The following ATP2B3 variants were observed in gnomAD, a reference collection of about 807,000 sequenced individuals.
The protein encoded by ATP2B3 is ATPase plasma membrane Ca2+ transporting 3, also known as plasma membrane calcium-transporting ATPase 3.
ATP2B3 carries 12 observed loss-of-function variants against 70.8 expected under a neutral mutation model. That is an observed-to-expected ratio of 0.17 (90% CI 0.11 to 0.27). The LOEUF (loss-of-function observed/expected upper bound fraction) is 0.27. ATP2B3 is among the 10% of genes least tolerant of loss of function. The pLI, the probability that ATP2B3 is intolerant of heterozygous loss-of-function variation, is 1.00. For missense variants in ATP2B3, 858 were observed against 1,118.5 expected (o/e 0.77, Z 3.32); for synonymous variants, 460 against 497.8 (o/e 0.92, Z 1.01).
intron 13 of ATP2B3, 97 bp from the exon 14 acceptor site, chrX:153,555,952 T>C: frequency 9.6e-7 from 1 of 1,040,097 alleles, no homozygotes. Flanking sequence ...CTGCTGGACC[T>C]TGGGCCACCT....
intron 2 of ATP2B3, among the ~76,000 whole-genome samples, chrX:153,532,466 G>A (rs1182721806): frequency 1.8e-5 from 2 of 111,951 alleles, no homozygotes; most frequent in Non-Finnish European, 3.8e-5. Context: ...GAGCCTAGTT[G>A]GGAGGTGAGG....
intron 3 of ATP2B3, among the ~76,000 whole-genome samples, chrX:153,537,764 A>G (rs782496586): frequency 8.9e-6 from 1 of 112,174 alleles, no homozygotes; most frequent in Non-Finnish European, 1.9e-5. Context: ...ATTTATCCAC[A>G]AGAGCTCTGG....
rs370982310 is a variant in ATP2B3 at position 153,560,681 on chromosome X, C to T, written c.2845C>T (p.Leu949Phe). 60 of 1,210,158 alleles carry T rather than the reference C, an allele frequency of 5.0e-5. No individual in the cohort carries two copies. The highest frequency in any genetic ancestry group is 6.6e-5 in the Non-Finnish European group (59 of 895,121). The change falls in exon 19 of 22, where the codon CTC (leucine) becomes TTC (phenylalanine). Residue 949 changes from leucine to phenylalanine, a missense_variant. Leu to Phe is a conservative substitution (Grantham distance 22). Coordinates refer to ENST00000263519, the MANE Select transcript of ATP2B3 (RefSeq NM_001001344.3). ...IIFTLLFVGE[L>F]FFDIDSGRNA... ...TGGGGAATGTTGCTTTCCAGGGGAG[C>T]TCTTCTTCGACATCGACAGCGGGAG...
intron 21 of ATP2B3, among the ~76,000 whole-genome samples, chrX:153,576,209 G>A (rs1042787265): frequency 1.8e-5 from 2 of 111,207 alleles, no homozygotes; most frequent in African/African-American, 6.6e-5. Flanking sequence ...AGAGAGCTCG[G>A]AAACTCCACC....
Position 153,548,761 on chromosome X carries a change from G to A in ATP2B3, c.1245G>A (p.Val415=). Residue 415 remains valine, a synonymous_variant, in exon 10 of 22, where the codon GTG becomes GTA. Coordinates refer to ENST00000263519, the MANE Select transcript of ATP2B3 (RefSeq NM_001001344.3). The stretch of plus-strand genomic sequence containing the variant: ...CGCCGGTCTATGTACAATACTTCGT[G>A]AAGTTCTTCATCATTGGTGTCACTG... ...ECTPVYVQYF[V]KFFIIGVTVL... 1.7e-6 allele frequency: 2 copies of A among 1,211,920 alleles called. No individual in the cohort carries two copies. Among genetic ancestry groups the A allele is most frequent in the Non-Finnish European group, 1.1e-6 (1 of 895,566 alleles).
intron 21 of ATP2B3, among the ~76,000 whole-genome samples, chrX:153,571,073 A>G (rs1464126797): frequency 9.2e-6 from 1 of 108,398 alleles, no homozygotes; most frequent in African/African-American, 3.4e-5. Context: ...GTACACCTCC[A>G]GCTTGCTCCA....
intron 21 of ATP2B3, among the ~76,000 whole-genome samples, chrX:153,565,908 C>G (rs1347241745): frequency 2.7e-5 from 3 of 112,722 alleles, no homozygotes; most frequent in Non-Finnish European, 5.6e-5. Flanking sequence ...GTCCCTGCAT[C>G]GTTCCTGCCT....
At position 153,578,189 on chromosome X, in the gene ATP2B3, GC is replaced by G. The variant is rs201203149; in HGVS notation, c.3343-1785del. Among the ~76,000 whole-genome samples the G allele has an allele frequency of 7.5e-3, 842 of 112,611 alleles. 5 individuals are homozygous for G. The highest frequency in any genetic ancestry group is 0.026 in the African/African-American group (797 of 31,022). The stretch of plus-strand genomic sequence containing the variant: ...CAAAACTAGCAGAGAGCTGGGGTTA[GC>G]CCCTCAGCAAGCCCTGACACCTTGT... On this transcript the variant is annotated intron_variant, in intron 21 of 21. Transcript: ENST00000263519.
In ATP2B3 at chrX:153,580,378, A is replaced by C; in HGVS notation, c.*80A>C. 4.2e-6 allele frequency: 4 copies of C among 957,154 alleles called. No homozygotes were observed. Among genetic ancestry groups the C allele is most frequent in the Non-Finnish European group, 5.7e-6 (4 of 696,651 alleles). 78.9% of individuals were successfully genotyped at this position (957,154 alleles called of 1,213,427 possible). ...CACGCACACATGCACGCACACACAC[A>C]TATGGGGACCTGCACACCTGCAAAA... On this transcript the variant is annotated 3_prime_UTR_variant, in exon 22 of 22. Coordinates refer to ENST00000263519, the MANE Select transcript of ATP2B3 (RefSeq NM_001001344.3).
At chrX:153,559,544 C>T (rs1329332692) in intron 17 of ATP2B3, 185 bp from the exon 18 acceptor site, 3 of 434,887 alleles carry the variant, frequency 6.9e-6, no homozygotes, top group Admixed American at 8.1e-5. Context: ...GAGGCGGGCA[C>T]GTGACAGCCC....
At chrX:153,565,272 G>A (rs782165678) in intron 21 of ATP2B3, among the ~76,000 whole-genome samples, 169 bp downstream of exon 21, 1 of 113,597 alleles carries the variant, frequency 8.8e-6, no homozygotes, top group South Asian at 3.5e-4. Flanking sequence ...TTGCCATTCC[G>A]GGCTGTGCCC....
chrX:153,571,435 C>T (rs782261850), intron 21 of ATP2B3, among the ~76,000 whole-genome samples: 4 of 112,353 alleles, frequency 3.6e-5, no homozygotes, highest in Admixed American at 9.3e-5. Context: ...GCAGCCACCA[C>T]GGCCCCACTC....
rs931255992 is a variant in ATP2B3, at chrX:153,565,452, G to A, written c.3342+349G>A. Among the ~76,000 whole-genome samples the A allele has an allele frequency of 1.4e-4, 16 of 113,002 alleles. No homozygotes were observed. In the Middle Eastern group the frequency reaches 0.014, roughly 97 times the overall value. ...CTTCACTTGGTGGGAACGGCCCCAG[G>A]TCATAGGCAAGTGACAGTATCGGGA... On this transcript the variant is annotated intron_variant, in intron 21 of 21. Transcript: ENST00000263519.
At position 153,551,804 on chromosome X, in the gene ATP2B3, C is replaced by T. The variant is rs148211208; in HGVS notation, c.1824-1231C>T. 5.6e-3 allele frequency among the ~76,000 whole-genome samples: 624 copies of T among 112,396 alleles called. 8 individuals are homozygous for T. Among genetic ancestry groups the T allele is most frequent in the African/African-American group, 0.019 (596 of 30,909 alleles). ...AGTGCACAGCGTCACCTCCAAATGC[C>T]CTGGCTTCCCCACTCCCACTCAGCC... On this transcript the variant is annotated intron_variant, in intron 12 of 21. Transcript: ENST00000263519.
intron 21 of ATP2B3, among the ~76,000 whole-genome samples, chrX:153,575,712 G>T (rs1287407897): frequency 8.9e-6 from 1 of 112,445 alleles, no homozygotes; most frequent in East Asian, 2.8e-4. Context: ...AGCCGGAGCC[G>T]AGAGGCTGTT....
At chrX:153,562,715 A>G (rs2090642482) in intron 20 of ATP2B3, among the ~76,000 whole-genome samples, 2 of 112,390 alleles carry the variant, frequency 1.8e-5, no homozygotes, top group Admixed American at 1.9e-4. Context: ...GGACCCCACA[A>G]TTAGATCAGG....
At chrX:153,543,597 G>A (rs2090320267) in intron 7 of ATP2B3, among the ~76,000 whole-genome samples, 1 of 112,613 alleles carries the variant, frequency 8.9e-6, no homozygotes, top group East Asian at 2.8e-4. Flanking sequence ...GGTGAGGGCC[G>A]GGCAGCCCAA....
At chrX:153,561,020 C>A in intron 19 of ATP2B3, 133 bp downstream of exon 19, 1 of 720,416 alleles carries the variant, frequency 1.4e-6, no homozygotes. Flanking sequence ...CCCCACCTGG[C>A]TTTCCTGTAG....
At chrX:153,579,507 T>C (rs782383859) in intron 21 of ATP2B3, among the ~76,000 whole-genome samples, 1 of 112,128 alleles carries the variant, frequency 8.9e-6, no homozygotes, top group South Asian at 3.7e-4. Context: ...CAGCATTCTC[T>C]CCTTTTCAAA....
Sources: gnomAD v4.1 joint callset for allele counts (sites outside exome capture counted in the v4.1 genomes callset) on GRCh38, gnomAD v4.1.1 for gene constraint, MANE v1.5 for transcripts, NCBI Gene and HGNC (gene_info 2026-07-23, HGNC 2026-07-21) for gene names.